The following IDE variants were observed in gnomAD, a reference collection of about 807,000 sequenced individuals.
IDE encodes the protein insulin degrading enzyme, also known as insulin-degrading enzyme.
Under a neutral mutation model 133.2 loss-of-function variants are expected in IDE, and 58 were observed. The ratio of observed to expected loss-of-function variants is 0.44; its 90% confidence interval spans 0.35 to 0.54. The LOEUF is 0.54. Ranked by LOEUF, IDE falls within the 20% of genes least tolerant of loss-of-function variation. The probability of loss-of-function intolerance (pLI) is 0.00; values close to 1 mark genes in which losing one functional copy is unlikely to be tolerated. For missense variants in IDE, 981 were observed against 1,234.0 expected (o/e 0.79, Z 3.07); for synonymous variants, 396 against 421.3 (o/e 0.94, Z 0.73).
Position 92,505,080 on chromosome 10 carries a change from C to A in IDE, c.1327-183G>T, listed in dbSNP as rs149716472. On this transcript the variant is annotated intron_variant, in intron 10 of 24. Coordinates refer to ENST00000265986, the MANE Select transcript of IDE (RefSeq NM_004969.4). ...GTCTCTTTCCTACCACATTGTTAAGCAGTTTCATATTGTTTGATGATTCTG... is the reference window on the plus strand; with the variant it reads ...GTCTCTTTCCTACCACATTGTTAAGAAGTTTCATATTGTTTGATGATTCTG... 6.9e-3 allele frequency among the ~76,000 whole-genome samples: 1,049 copies of A among 152,256 alleles called. 9 individuals are homozygous for A. The highest frequency in any genetic ancestry group is 0.024 in the African/African-American group (993 of 41,536).
At chr10:92,472,184 C>G (rs1846001763) in intron 17 of IDE, among the ~76,000 whole-genome samples, 1 of 152,136 alleles carries the variant, frequency 6.6e-6, no homozygotes, top group South Asian at 2.1e-4. Flanking sequence ...ACTGACTATT[C>G]TCTTTACAAA....
chr10:92,544,999 A>C (rs1842478318), intron 1 of IDE, among the ~76,000 whole-genome samples: 1 of 152,216 alleles, frequency 6.6e-6, no homozygotes, highest in East Asian at 1.9e-4. Flanking sequence ...GAAAATCATA[A>C]TCATCTTGGT....
intron 14 of IDE, among the ~76,000 whole-genome samples, chr10:92,480,199 A>G (rs999009668): frequency 6.6e-6 from 1 of 152,216 alleles, no homozygotes; most frequent in East Asian, 1.9e-4. Flanking sequence ...TTCAAATGCA[A>G]GTTAAATGAC....
chr10:92,560,245 C>T lies in IDE; in HGVS notation c.98+13677G>A, dbSNP rs374491434. On this transcript the variant is annotated intron_variant, in intron 1 of 24. Coordinates refer to ENST00000265986, the MANE Select transcript of IDE (RefSeq NM_004969.4). ...TCTGTTAGTTTAACCGTGTATCTGA[C>T]TGGCCAGATAGTCTTGTCTATTTGG... Among the ~76,000 whole-genome samples, 204 of 152,286 alleles carry T rather than the reference C, an allele frequency of 1.3e-3. No homozygotes were observed. The Middle Eastern group carries it at 0.014, about 10-fold the overall frequency.
At chr10:92,494,537 T>C (rs1040136849) in intron 11 of IDE, among the ~76,000 whole-genome samples, 30 of 151,668 alleles carry the variant, frequency 2.0e-4, no homozygotes, top group Middle Eastern at 3.2e-3. Context: ...AGCCCTTGAG[T>C]TCAAGGCAAG....
chr10:92,556,175 G>A (rs1341766984), intron 1 of IDE, among the ~76,000 whole-genome samples: 11 of 28,002 alleles, frequency 3.9e-4, no homozygotes, highest in Admixed American at 1.2e-3. Flanking sequence ...GCGAGACTCC[G>A]TCTCAAAAAA....
chr10:92,559,038 C>T (rs1300555634), intron 1 of IDE: 1 of 151,878 alleles, frequency 6.6e-6, no homozygotes, highest in Admixed American at 6.6e-5. Flanking sequence ...ACTCACTGGT[C>T]ATCAGGAAAA....
At chr10:92,519,390 C>T (rs1330811910) in intron 4 of IDE, among the ~76,000 whole-genome samples, 1 of 152,214 alleles carries the variant, frequency 6.6e-6, no homozygotes, top group East Asian at 1.9e-4. Context: ...GCTACTTGTA[C>T]TAAAATCTTG....
chr10:92,546,427 G>T (rs2065307077), intron 1 of IDE, among the ~76,000 whole-genome samples: 1 of 152,040 alleles, frequency 6.6e-6, no homozygotes, highest in African/African-American at 2.4e-5. Context: ...TAAAAGGAAG[G>T]GGGAGATACA....
At chr10:92,541,326 G>A in intron 1 of IDE, 1 of 470,596 alleles carries the variant, frequency 2.1e-6, no homozygotes, top group South Asian at 1.6e-5. Flanking sequence ...CAATGACTGG[G>A]AACTCTTCCT....
chr10:92,516,331 T>C (rs972252846), intron 4 of IDE, among the ~76,000 whole-genome samples: 3 of 150,900 alleles, frequency 2.0e-5, no homozygotes, highest in African/African-American at 7.3e-5. Flanking sequence ...CCCTCTCTAT[T>C]AAAAATACAA....
chr10:92,478,914 G>A (rs1304276817), intron 15 of IDE: 1 of 340,748 alleles, frequency 2.9e-6, no homozygotes, highest in Non-Finnish European at 4.6e-6. Context: ...AATAGTATAT[G>A]CCAACCTTAG....
At chr10:92,515,881 A>ATACTTTTGG (rs1392445959) in intron 4 of IDE, among the ~76,000 whole-genome samples, 1 of 148,530 alleles carries the variant, frequency 6.7e-6, no homozygotes, top group Non-Finnish European at 1.5e-5. Context: ...TATAAAAATT[A>ATACTTTTGG]TACTTTTGGC....
chr10:92,503,684 G>A (rs1300903198), intron 11 of IDE, among the ~76,000 whole-genome samples: 1 of 151,560 alleles, frequency 6.6e-6, no homozygotes, highest in African/African-American at 2.4e-5. Context: ...TGGTAACTAG[G>A]AAAAGATTCT....
rs193171911 is a variant in IDE at position 92,487,957 on chromosome 10, C to T, written c.1534-639G>A. On this transcript the variant is annotated intron_variant, in intron 12 of 24. Transcript: ENST00000265986. Reference sequence around the variant, plus strand: ...GACTACAGGTGTGTGCCACCACACCCGACTAATTTTCGTATTTTTAGTAGA... The same window carrying T: ...GACTACAGGTGTGTGCCACCACACCTGACTAATTTTCGTATTTTTAGTAGA... Among the ~76,000 whole-genome samples, 268 of 152,126 alleles carry T rather than the reference C, an allele frequency of 1.8e-3. 3 individuals are homozygous for T. The highest frequency in any genetic ancestry group is 6.3e-4 in the African/African-American group (26 of 41,498).
At chr10:92,497,546 T>C (rs989506628) in intron 11 of IDE, 12 of 162,654 alleles carry the variant, frequency 7.4e-5, no homozygotes, top group African/African-American at 2.6e-4. Flanking sequence ...GCCAAGTGTA[T>C]ACCTAACAGG....
chr10:92,475,311 A>G (rs780316823), intron 16 of IDE, among the ~76,000 whole-genome samples: 4 of 152,224 alleles, frequency 2.6e-5, no homozygotes, highest in Non-Finnish European at 4.4e-5. Context: ...AAGTCTCCAT[A>G]AGCAAGCAAC....
intron 11 of IDE, among the ~76,000 whole-genome samples, chr10:92,494,692 T>C (rs1476680470): frequency 6.6e-6 from 1 of 152,242 alleles, no homozygotes; most frequent in African/African-American, 2.4e-5. Flanking sequence ...TGCTGTTGAC[T>C]TCAAGTACAT....
At chr10:92,528,803 G>T (rs1389803922) in intron 4 of IDE, among the ~76,000 whole-genome samples, 1 of 152,248 alleles carries the variant, frequency 6.6e-6, no homozygotes, top group African/African-American at 2.4e-5. Flanking sequence ...GAGACCAGGC[G>T]TGATGGCTCA....
Sources: gnomAD v4.1 joint callset for allele counts (sites outside exome capture counted in the v4.1 genomes callset) on GRCh38, gnomAD v4.1.1 for gene constraint, MANE v1.5 for transcripts, NCBI Gene and HGNC (gene_info 2026-07-23, HGNC 2026-07-21) for gene names.